The following RASAL2 variants were observed in gnomAD, a reference collection of about 807,000 sequenced individuals.
RASAL2 encodes ras GTPase-activating protein nGAP.
A neutral mutation model predicts 128.9 loss-of-function variants in RASAL2; 58 were observed. The observed-to-expected ratio is 0.45, with a 90% CI of 0.36 to 0.56. The LOEUF (loss-of-function observed/expected upper bound fraction) is 0.56. Among genes scored for constraint, RASAL2 ranks in the 20% least tolerant of loss-of-function variants. The pLI, the probability that RASAL2 is intolerant of heterozygous loss-of-function variation, is 0.00. For missense variants in RASAL2, 1,360 were observed against 1,601.6 expected (o/e 0.85, Z 2.57); for synonymous variants, 561 against 580.8 (o/e 0.97, Z 0.49).
chr1:178,461,369 C>G (rs1678183756), intron 14 of RASAL2, among the ~76,000 whole-genome samples: 1 of 152,158 alleles, frequency 6.6e-6, no homozygotes, highest in African/African-American at 2.4e-5. Context: ...TGGCCATTGT[C>G]TGCAGAGTAA....
chr1:178,272,370 C>G (rs1666301787), intron 1 of RASAL2, among the ~76,000 whole-genome samples: 1 of 152,050 alleles, frequency 6.6e-6, no homozygotes, highest in African/African-American at 2.4e-5. Flanking sequence ...AATTCTCAGC[C>G]TTATTTTATT....
Position 178,107,100 on chromosome 1 carries a change from A to T in RASAL2, c.202+12406A>T, listed in dbSNP as rs978133780. ...TTTTCTGTCAACAAACTTATTAAAC[A>T]TGATAAGTCATTTCTCCATTTTATC... On this transcript the variant is annotated intron_variant, in intron 1 of 17. Coordinates refer to ENST00000367649, the MANE Select transcript of RASAL2 (RefSeq NM_170692.4). 5.6e-4 allele frequency among the ~76,000 whole-genome samples: 86 copies of T among 152,246 alleles called. 1 individual carries two copies. The highest frequency in any genetic ancestry group is 1.9e-3 in the African/African-American group (81 of 41,568).
At position 178,272,444 on chromosome 1, in the gene RASAL2, C is replaced by T. The variant is rs1279156190; in HGVS notation, c.203-11120C>T. Among the ~76,000 whole-genome samples the T allele has an allele frequency of 2.0e-5, 3 of 151,654 alleles. No individual in the cohort carries two copies. The East Asian group carries it at 5.8e-4, about 29-fold the overall frequency. ...ACCTTTTAACTCTACATTAAAGGAC[C>T]CCCCCTTTCCCTTTCTATTCATTTC... On this transcript the variant is annotated intron_variant, in intron 1 of 17. Transcript: ENST00000367649.
At chr1:178,174,680 A>G (rs987885008) in intron 1 of RASAL2, among the ~76,000 whole-genome samples, 27 of 152,166 alleles carry the variant, frequency 1.8e-4, no homozygotes, top group African/African-American at 6.3e-4. Flanking sequence ...ATAACAAATG[A>G]GAGGCTAATT....
At chr1:178,297,740 A>G (rs1423024209) in intron 2 of RASAL2, among the ~76,000 whole-genome samples, 1 of 152,034 alleles carries the variant, frequency 6.6e-6, no homozygotes, top group East Asian at 1.9e-4. Flanking sequence ...CTTTTATCAT[A>G]TTTTAAGTTT....
chr1:178,410,051 T>C (rs1005661706), intron 4 of RASAL2, among the ~76,000 whole-genome samples: 3 of 152,084 alleles, frequency 2.0e-5, no homozygotes, highest in Non-Finnish European at 2.9e-5. Flanking sequence ...TGTTGGTAAT[T>C]GAATAGCATC....
intron 1 of RASAL2, among the ~76,000 whole-genome samples, chr1:178,155,654 T>C (rs1458636113): frequency 1.3e-5 from 2 of 151,876 alleles, no homozygotes; most frequent in South Asian, 2.1e-4. Context: ...CTTTTTTTTT[T>C]TTTTCCTTTT....
At chr1:178,293,804 T>G (rs1667381483) in intron 2 of RASAL2, among the ~76,000 whole-genome samples, 1 of 152,214 alleles carries the variant, frequency 6.6e-6, no homozygotes, top group African/African-American at 2.4e-5. Flanking sequence ...TTTAACACAG[T>G]AAGTATAATG....
chr1:178,314,937 C>G (rs1460873570), intron 3 of RASAL2, among the ~76,000 whole-genome samples: 9 of 117,676 alleles, frequency 7.6e-5, no homozygotes, highest in Non-Finnish European at 1.6e-4. Context: ...TATCCCTCCC[C>G]CCTCCCCCCA....
At chr1:178,186,936 G>A (rs910817356) in intron 1 of RASAL2, among the ~76,000 whole-genome samples, 1 of 151,586 alleles carries the variant, frequency 6.6e-6, no homozygotes, top group African/African-American at 2.4e-5. Context: ...TGATCCTCCC[G>A]CCTCAACTTT....
chr1:178,420,209 C>T (rs568860203), intron 4 of RASAL2, among the ~76,000 whole-genome samples: 1 of 152,144 alleles, frequency 6.6e-6, no homozygotes, highest in Admixed American at 6.5e-5. Context: ...TATTGTTGTG[C>T]TTTTTAGAAA....
intron 1 of RASAL2, among the ~76,000 whole-genome samples, chr1:178,163,114 G>A (rs752456071): frequency 7.9e-5 from 12 of 151,578 alleles, no homozygotes; most frequent in Admixed American, 2.6e-4. Flanking sequence ...GGGCTTACAG[G>A]CGCACACCAT....
intron 1 of RASAL2, among the ~76,000 whole-genome samples, chr1:178,103,985 A>G (rs1032928941): frequency 6.6e-6 from 1 of 152,042 alleles, no homozygotes; most frequent in Non-Finnish European, 1.5e-5. Flanking sequence ...AGGAAAGCCC[A>G]TTCTTTTTTT....
chr1:178,426,582 C>T (rs1329851592), intron 5 of RASAL2, among the ~76,000 whole-genome samples: 10 of 150,204 alleles, frequency 6.7e-5, no homozygotes, highest in Admixed American at 5.3e-4. Context: ...TTTATATCAT[C>T]GTGACATATC....
At chr1:178,213,531 C>T (rs574485279) in intron 1 of RASAL2, among the ~76,000 whole-genome samples, 116 of 152,068 alleles carry the variant, frequency 7.6e-4, no homozygotes, top group African/African-American at 2.7e-3. Context: ...AATTATGATA[C>T]GATGAAATAC....
At chr1:178,149,819 A>T (rs1660854319) in intron 1 of RASAL2, among the ~76,000 whole-genome samples, 1 of 152,164 alleles carries the variant, frequency 6.6e-6, no homozygotes, top group Non-Finnish European at 1.5e-5. Flanking sequence ...TGCAAATAGG[A>T]TCACTCTGAT....
At position 178,443,026 on chromosome 1, in the gene RASAL2, A is replaced by G; in HGVS notation, c.1279A>G (p.Thr427Ala). The change falls in exon 8 of 18, where the codon ACA (threonine) becomes GCA (alanine). Residue 427 changes from threonine (T) to alanine (A), a missense_variant. Around this residue, in one of 3 missense-constraint regions of RASAL2, gnomAD observed 617 missense variants for 714.2 expected, o/e 0.86. Coordinates refer to ENST00000367649, the MANE Select transcript of RASAL2 (RefSeq NM_170692.4). ...VSTPTPNKGK[T>A]GGPSIRIKSR... ...TACACCTACACCCAACAAAGGAAAG[A>G]CAGGAGGACCTTCTATTCGGATTAA... 1 of 1,614,066 alleles carries G rather than the reference A, an allele frequency of 6.2e-7. No individual in the cohort carries two copies. The highest frequency in any genetic ancestry group is 8.5e-7 in the Non-Finnish European group (1 of 1,179,968).
intron 3 of RASAL2, among the ~76,000 whole-genome samples, chr1:178,376,782 G>A (rs796736512): frequency 6.6e-6 from 1 of 152,066 alleles, no homozygotes; most frequent in Admixed American, 6.6e-5. Flanking sequence ...GAATAGCACC[G>A]AATAGGTACT....
At chr1:178,422,866 C>T (rs138664061) in intron 5 of RASAL2, among the ~76,000 whole-genome samples, 1 of 152,042 alleles carries the variant, frequency 6.6e-6, no homozygotes, top group East Asian at 1.9e-4. Context: ...GTAAAATACT[C>T]ATTTGTCTTT....
Sources: allele counts gnomAD v4.1 joint callset (sites outside exome capture counted in the v4.1 genomes callset), GRCh38; gene constraint gnomAD v4.1.1; regional missense constraint gnomAD v4.1.1; transcripts MANE v1.5; gene names NCBI Gene and HGNC (gene_info 2026-07-23, HGNC 2026-07-21).